Variants in TARS3 observed in about 807,000 individuals in gnomAD.
TARS3 encodes the protein threonyl-tRNA synthetase 3, also known as threonine--tRNA ligase 2, cytoplasmic.
TARS3 carries 94 observed loss-of-function variants against 103.5 expected under a neutral mutation model. The observed-to-expected ratio is 0.91, with a 90% CI of 0.77 to 1.08. The LOEUF (loss-of-function observed/expected upper bound fraction) is 1.08, where lower values mean the gene tolerates loss of function less well. Ranked by LOEUF, TARS3 falls within the 50% of genes least tolerant of loss-of-function variation. The probability of loss-of-function intolerance (pLI) is 0.00; values close to 1 mark genes in which losing one functional copy is unlikely to be tolerated. For synonymous variants in TARS3, 416 were observed against 355.4 expected (o/e 1.17, Z -1.92); for missense variants, 952 against 995.2 (o/e 0.96, Z 0.58).
intron 12 of TARS3, among the ~76,000 whole-genome samples, chr15:101,680,030 T>C (rs1898195717): frequency 6.6e-6 from 1 of 152,146 alleles, no homozygotes; most frequent in Non-Finnish European, 1.5e-5. Context: ...AGGCACCTCA[T>C]TACTTCCAGG....
intron 7 of TARS3, among the ~76,000 whole-genome samples, chr15:101,705,200 T>A (rs1899494221): frequency 6.6e-6 from 1 of 152,246 alleles, no homozygotes; most frequent in Non-Finnish European, 1.5e-5. Flanking sequence ...CATTTGATCC[T>A]GCCTTTGTTT....
chr15:101,710,838 C>A (rs1240901983), intron 5 of TARS3, among the ~76,000 whole-genome samples: 1 of 152,066 alleles, frequency 6.6e-6, no homozygotes, highest in Non-Finnish European at 1.5e-5. Flanking sequence ...GGTGGGAGAA[C>A]TATTTAGGAG....
At chr15:101,715,914 A>G (rs186606963) in intron 3 of TARS3, among the ~76,000 whole-genome samples, 314 of 152,344 alleles carry the variant, frequency 2.1e-3, no homozygotes, top group African/African-American at 7.2e-3. Flanking sequence ...GATTTTTAAA[A>G]TCTTTATCAA....
intron 11 of TARS3, among the ~76,000 whole-genome samples, chr15:101,685,403 AAATT>A (rs1181239440): frequency 3.9e-5 from 6 of 152,192 alleles, no homozygotes; most frequent in African/African-American, 1.4e-4. Flanking sequence ...CCTATTAATT[AAATT>A]ATGATATAAT....
At chr15:101,680,501 T>C (rs953817348) in intron 12 of TARS3, among the ~76,000 whole-genome samples, 2 of 152,206 alleles carry the variant, frequency 1.3e-5, no homozygotes, top group African/African-American at 2.4e-5. Flanking sequence ...CCATAGCCAG[T>C]GTGCCCTTTT....
At chr15:101,676,760 G>A (rs1898043554) in intron 12 of TARS3, among the ~76,000 whole-genome samples, 1 of 151,382 alleles carries the variant, frequency 6.6e-6, no homozygotes, top group African/African-American at 2.4e-5. Flanking sequence ...ACCTGCCTCA[G>A]CCTCCCAAAG....
At chr15:101,666,302 C>G (rs1188440869) in intron 15 of TARS3, among the ~76,000 whole-genome samples, 1 of 151,506 alleles carries the variant, frequency 6.6e-6, no homozygotes, top group Non-Finnish European at 1.5e-5. Flanking sequence ...ATGGTGAAAC[C>G]CTGTCTCCAC....
At chr15:101,711,782 A>C in intron 5 of TARS3, 98 bp downstream of exon 5, 1 of 1,371,164 alleles carries the variant, frequency 7.3e-7, no homozygotes, top group South Asian at 1.7e-5. Context: ...CACATTATGT[A>C]AGGGCCAGCA....
chr15:101,674,788 G>A (rs1220535327), intron 13 of TARS3, among the ~76,000 whole-genome samples: 1 of 150,664 alleles, frequency 6.6e-6, no homozygotes, highest in Non-Finnish European at 1.5e-5. Context: ...CTGAGCAACA[G>A]AGCAAGACTC....
chr15:101,724,113 G>A lies in TARS3; in HGVS notation c.275C>T (p.Ala92Val). Residue 92 changes from alanine (A) to valine (V), a missense_variant, in exon 1 of 19, where the codon GCG becomes GTG. Coordinates refer to ENST00000335968, the MANE Select transcript of TARS3 (RefSeq NM_152334.3). ...TACCTGTGCGCCGGCCTCCTGCGCC[G>A]CCTCTAGCTCCGCGCTCTCCAGCGT... is the stretch of plus-strand genomic sequence containing the variant. ...QATLESAELE[A>V]AQEAGAQPPP... The A allele has an allele frequency of 7.2e-7, 1 of 1,379,610 alleles. No individual in the cohort carries two copies. Among genetic ancestry groups the A allele is most frequent in the Non-Finnish European group, 9.4e-7 (1 of 1,067,016 alleles). 85.5% of individuals were successfully genotyped at this position (1,379,610 alleles called of 1,614,324 possible).
intron 12 of TARS3, among the ~76,000 whole-genome samples, chr15:101,676,623 C>CGA (rs1567331315): frequency 7.9e-5 from 12 of 151,946 alleles, no homozygotes; most frequent in Non-Finnish European, 1.6e-4. Flanking sequence ...CTCAGGCTCC[C>CGA]GAGTAGCTGG....
intron 13 of TARS3, among the ~76,000 whole-genome samples, chr15:101,672,739 T>C (rs1332992218): frequency 6.6e-6 from 1 of 152,110 alleles, no homozygotes; most frequent in Non-Finnish European, 1.5e-5. Context: ...AGAAGCAGCT[T>C]CTTTTCTACT....
intron 15 of TARS3, chr15:101,664,585 C>T (rs1272881456): frequency 1.3e-5 from 2 of 152,180 alleles, no homozygotes; most frequent in Non-Finnish European, 2.9e-5. Flanking sequence ...GAACCGCAGC[C>T]CACAAAAGTG....
At position 101,721,106 on chromosome 15, in the gene TARS3, T is replaced by C. The variant is rs746989340; in HGVS notation, c.566+20A>G. ...GTATAATTACTTAAGATTGAATATC[T>C]TTTCCACACTGCGGTTTACCTAATT... On this transcript the variant is annotated intron_variant, in intron 3 of 18. Transcript: ENST00000335968. 1.3e-6 allele frequency: 2 copies of C among 1,576,418 alleles called. No individual in the cohort carries two copies. The highest frequency in any genetic ancestry group is 1.7e-6 in the Non-Finnish European group (2 of 1,152,366).
At chr15:101,711,823 T>C (rs1899881265) in intron 5 of TARS3, 57 bp downstream of exon 5, 2 of 1,591,258 alleles carry the variant, frequency 1.3e-6, no homozygotes, top group Non-Finnish European at 8.6e-7. Context: ...TATGTAACCA[T>C]TACAGAACAA....
chr15:101,712,056 T>C (rs1360074673), intron 4 of TARS3, 55 bp from the exon 5 acceptor site: 5 of 1,555,846 alleles, frequency 3.2e-6, no homozygotes, highest in African/African-American at 1.4e-5. Context: ...CATGGAAAAT[T>C]AGTAGTAAAA....
chr15:101,666,474 C>CAAAA (rs11450994), intron 15 of TARS3, among the ~76,000 whole-genome samples: 18 of 45,560 alleles, frequency 4.0e-4, no homozygotes, highest in East Asian at 1.0e-3. Flanking sequence ...AGACTCATCT[C>CAAAA]AAAAAAAAAA....
At chr15:101,690,909 T>C (rs1360756947) in intron 10 of TARS3, among the ~76,000 whole-genome samples, 1 of 152,192 alleles carries the variant, frequency 6.6e-6, no homozygotes, top group Non-Finnish European at 1.5e-5. Context: ...TTTCCTCACA[T>C]TTCCTTCAGC....
At chr15:101,696,817 C>T (rs765606463) in intron 10 of TARS3, among the ~76,000 whole-genome samples, 3 of 152,166 alleles carry the variant, frequency 2.0e-5, no homozygotes, top group Non-Finnish European at 4.4e-5. Flanking sequence ...CTTGTTCCAC[C>T]ACTGATTTAC....
Sources: allele counts gnomAD v4.1 joint callset (sites outside exome capture counted in the v4.1 genomes callset), GRCh38; gene constraint gnomAD v4.1.1; transcripts MANE v1.5; gene names NCBI Gene and HGNC (gene_info 2026-07-23, HGNC 2026-07-21).